The following PSG9 variants were observed in gnomAD, a reference collection of about 807,000 sequenced individuals.
The protein encoded by PSG9 is pregnancy-specific beta-1-glycoprotein 9.
PSG9 carries 49 observed loss-of-function variants against 41.9 expected under a neutral mutation model. The observed-to-expected ratio is 1.17, with a 90% CI of 0.93 to 1.48. The LOEUF is 1.48. Among genes scored for constraint, PSG9 ranks in the 40% most tolerant of loss-of-function variants. The probability of loss-of-function intolerance (pLI) is 0.00; values close to 1 mark genes in which losing one functional copy is unlikely to be tolerated. For synonymous variants in PSG9, 263 were observed against 196.8 expected (o/e 1.34, Z -2.82); for missense variants, 641 against 520.3 (o/e 1.23, Z -2.26).
At chr19:43,262,498 T>C (rs1968774136) in intron 2 of PSG9, among the ~76,000 whole-genome samples, 1 of 152,160 alleles carries the variant, frequency 6.6e-6, no homozygotes, top group Non-Finnish European at 1.5e-5. Context: ...AGTGCTGGAA[T>C]CCTCTTAGTT....
At position 43,261,873 on chromosome 19, in the gene PSG9, G is replaced by A; in HGVS notation, c.696C>T (p.Thr232=). 2 of 1,614,040 alleles carry A rather than the reference G, an allele frequency of 1.2e-6. No individual in the cohort carries two copies. Among genetic ancestry groups the A allele is most frequent in the South Asian group, 2.2e-5 (2 of 91,078 alleles). The part of the protein sequence containing the change: ...PVSASRSDPV[T]LNLLPKLPIP... ...GAAGATACTCACGGAGGAGATTCAGGGTGACTGGGTCACTGCGACTGGCAC... is the reference window on the plus strand; with the variant it reads ...GAAGATACTCACGGAGGAGATTCAGAGTGACTGGGTCACTGCGACTGGCAC... Residue 232 remains threonine (T), a synonymous_variant, in exon 3 of 6, where the codon ACC becomes ACT. Transcript: ENST00000270077.
At chr19:43,262,288 T>G in intron 2 of PSG9, 150 bp from the exon 3 acceptor site, 2 of 1,449,640 alleles carry the variant, frequency 1.4e-6, no homozygotes, top group South Asian at 2.8e-5. Flanking sequence ...GACAGATGCA[T>G]GGCAATCTGA....
intron 1 of PSG9, among the ~76,000 whole-genome samples, chr19:43,268,905 A>C (rs2122139941): frequency 6.6e-6 from 1 of 152,234 alleles, no homozygotes. Context: ...AGATTTTCCT[A>C]CCTCTTACCA....
intron 2 of PSG9, among the ~76,000 whole-genome samples, chr19:43,263,630 T>C (rs1214644346): frequency 1.3e-5 from 2 of 152,102 alleles, no homozygotes; most frequent in African/African-American, 4.8e-5. Flanking sequence ...TTAAAATGTT[T>C]TCATAAGTGG....
At chr19:43,263,971 T>C (rs1460749478) in intron 2 of PSG9, among the ~76,000 whole-genome samples, 1 of 152,114 alleles carries the variant, frequency 6.6e-6, no homozygotes, top group African/African-American at 2.4e-5. Context: ...GCAAAACAGG[T>C]AGGTGAAATG....
chr19:43,268,952 G>T (rs1474856693), intron 1 of PSG9, among the ~76,000 whole-genome samples: 1 of 152,026 alleles, frequency 6.6e-6, no homozygotes, highest in African/African-American at 2.4e-5. Context: ...TTTGACCCCT[G>T]TCCCTCTCTG....
intron 2 of PSG9, among the ~76,000 whole-genome samples, 167 bp from the exon 3 acceptor site, chr19:43,262,305 A>G (rs553051878): frequency 3.9e-5 from 6 of 152,232 alleles, no homozygotes; most frequent in Non-Finnish European, 7.4e-5. Context: ...CTGAGAGCTC[A>G]GAGATTGTGA....
At chr19:43,268,730 T>C (rs1213628591) in intron 1 of PSG9, among the ~76,000 whole-genome samples, 6 of 152,058 alleles carry the variant, frequency 3.9e-5, no homozygotes, top group African/African-American at 1.2e-4. Flanking sequence ...GGGCCCTCCA[T>C]GCCCTGGGTG....
In PSG9 at chr19:43,268,094, G is replaced by A. The variant is rs1011305904; in HGVS notation, c.120C>T (p.Ala40=). 1.2e-6 allele frequency: 2 copies of A among 1,613,354 alleles called. No homozygotes were observed. The highest frequency in any genetic ancestry group is 1.7e-5 in the Admixed American group (1 of 59,968). Reference sequence around the variant, plus strand: ...TCCCCTCAGAAACTTTGGGTGGCTGGGCTTCAATCGTGACTTCGGCAGTGG... The same window carrying A: ...TCCCCTCAGAAACTTTGGGTGGCTGAGCTTCAATCGTGACTTCGGCAGTGG... The part of the protein sequence containing the change: ...PPTTAEVTIE[A]QPPKVSEGKD... Residue 40 remains alanine, a synonymous_variant, in exon 2 of 6, where the codon GCC becomes GCT. Transcript: ENST00000270077.
Position 43,255,308 on chromosome 19 carries a change from T to C in PSG9, c.1244-1662A>G, listed in dbSNP as rs986902316. Among the ~76,000 whole-genome samples, 4 of 146,212 alleles carry C rather than the reference T, an allele frequency of 2.7e-5. 1 individual carries two copies. Among genetic ancestry groups the C allele is most frequent in the African/African-American group, 1.0e-4 (4 of 38,464 alleles). On this transcript the variant is annotated intron_variant, in intron 5 of 5. Transcript: ENST00000270077. ...AGATTGAATCAATAAAAGCATTTGA[T>C]GAATTCAATATTTTTTCATAATGAA...
rs533288542 is a variant in PSG9, at chr19:43,266,648, A to C, written c.430+1136T>G. Among the ~76,000 whole-genome samples the C allele has an allele frequency of 6.0e-4, 91 of 152,240 alleles. No homozygotes were observed. The Middle Eastern group carries it at 0.014, about 23-fold the overall frequency. On this transcript the variant is annotated intron_variant, in intron 2 of 5. Coordinates refer to ENST00000270077, the MANE Select transcript of PSG9 (RefSeq NM_002784.5). ...GGCAGGTGATTTAGTTCTGGAATAC[A>C]GACTAATCAGCTGACCATTTGCTCT... is the stretch of plus-strand genomic sequence containing the variant.
rs1004808245 is a variant in PSG9, at chr19:43,257,802, G to A, written c.1243+400C>T. 3.8e-6 allele frequency: 5 copies of A among 1,311,686 alleles called. No individual in the cohort carries two copies. In the South Asian group the frequency reaches 1.2e-4, roughly 33 times the overall value. 81.3% of individuals were successfully genotyped at this position (1,311,686 alleles called of 1,614,324 possible). A position where few individuals can be genotyped will look rare whatever the true frequency, so the allele number is the denominator to read the frequency against. On this transcript the variant is annotated intron_variant, in intron 5 of 5. Coordinates refer to ENST00000270077, the MANE Select transcript of PSG9 (RefSeq NM_002784.5). ...TCATCTGGGGGAAAAGTGTGAGCTT[G>A]TTTCAAAGCCTCAGCTGTCCCTTGT...
intron 2 of PSG9, among the ~76,000 whole-genome samples, chr19:43,266,779 A>G (rs956021329): frequency 7.9e-5 from 12 of 152,196 alleles, no homozygotes; most frequent in Middle Eastern, 3.4e-3. Context: ...AGGAGAGGAT[A>G]GGCCTGTGGC....
rs142349840 is a variant in PSG9 at position 43,256,284 on chromosome 19, C to A, written c.1243+1918G>T. Among the ~76,000 whole-genome samples the A allele has an allele frequency of 5.4e-3, 793 of 146,678 alleles. 111 individuals carry two copies. The highest frequency in any genetic ancestry group is 0.019 in the African/African-American group (729 of 38,684). ...GAAAAGCTTCATGATACTGGATTTC[C>A]CAATGATTTCTTGGTTGTAACAACA... On this transcript the variant is annotated intron_variant, in intron 5 of 5. Coordinates refer to ENST00000270077, the MANE Select transcript of PSG9 (RefSeq NM_002784.5).
chr19:43,262,164 G>T, intron 2 of PSG9, 26 bp from the exon 3 acceptor site: 1 of 1,600,818 alleles, frequency 6.2e-7, no homozygotes, highest in Non-Finnish European at 8.5e-7. Flanking sequence ...AGAGAAGATT[G>T]CCCTGTGTGG....
intron 3 of PSG9, among the ~76,000 whole-genome samples, chr19:43,261,021 G>A (rs1055417105): frequency 2.0e-5 from 3 of 152,070 alleles, no homozygotes; most frequent in Non-Finnish European, 4.4e-5. Flanking sequence ...TTAGTGTATA[G>A]TCTAAAGAAT....
chr19:43,261,841 A>G lies in PSG9; in HGVS notation c.709+19T>C. 1.2e-6 allele frequency: 2 copies of G among 1,614,068 alleles called. No individual in the cohort carries two copies. Among genetic ancestry groups the G allele is most frequent in the South Asian group, 1.1e-5 (1 of 91,074 alleles). On this transcript the variant is annotated intron_variant, in intron 3 of 5. Coordinates refer to ENST00000270077, the MANE Select transcript of PSG9 (RefSeq NM_002784.5). ...TTTGGGATGGCAGCCTGGCTCACAG[A>G]GGAACAGAAGATACTCACGGAGGAG...
At position 43,262,082 on chromosome 19, in the gene PSG9, C is replaced by A. The variant is rs147720160; in HGVS notation, c.487G>T (p.Glu163Ter). 9.0e-5 allele frequency: 146 copies of A among 1,613,872 alleles called. No individual in the cohort carries two copies. The highest frequency in any genetic ancestry group is 1.1e-4 in the Non-Finnish European group (134 of 1,179,910). Residue 163 changes from glutamate to a stop codon, truncating the protein, a stop_gained, in exon 3 of 6, where the codon GAG becomes TAG. Transcript: ENST00000270077. LOFTEE classifies it high-confidence loss of function. Reference protein sequence around the residue: ...SSNLNPREAMEAVRLICDPET... With the variant: ...SSNLNPREAM ...GGATCACAGATTAAGCGCACAGCCT[C>A]CATGGCCTCCCTGGGGTTTAAGTTG...
intron 5 of PSG9, chr19:43,257,860 G>C: frequency 7.3e-7 from 1 of 1,375,694 alleles, no homozygotes. Context: ...AAAAAAAGAC[G>C]TGGCAGAAGG....
Sources: gnomAD v4.1 joint callset for allele counts (sites outside exome capture counted in the v4.1 genomes callset) on GRCh38, gnomAD v4.1.1 for gene constraint, MANE v1.5 for transcripts, NCBI Gene and HGNC (gene_info 2026-07-23, HGNC 2026-07-21) for gene names.